The following CELF2 variants were observed in gnomAD, a reference collection of about 807,000 sequenced individuals.
CELF2 encodes the protein CUGBP Elav-like family member 2.
Under a neutral mutation model 62.6 loss-of-function variants are expected in CELF2, and 8 were observed. That is an observed-to-expected ratio of 0.13 (90% confidence interval 0.07 to 0.23). CELF2 has a LOEUF of 0.23. CELF2 is among the 10% of genes least tolerant of loss of function. CELF2 has a pLI of 1.00. For missense variants in CELF2, 333 were observed against 671.0 expected, an observed-to-expected ratio of 0.50 and a Z score of 5.56; for synonymous variants, 258 against 250.0, an observed-to-expected ratio of 1.03 and a Z score of -0.30.
chr10:10,467,363 A>G, the CELF2 span, among the ~76,000 whole-genome samples: 2 of 151,880 alleles, frequency 1.3e-5, no homozygotes, highest in Non-Finnish European at 2.9e-5. Flanking sequence ...CCACTTAATT[A>G]CCTTAGTTTA....
intron 1 of CELF2, among the ~76,000 whole-genome samples, chr10:10,888,567 C>T (rs1054868201): frequency 1.3e-5 from 2 of 152,156 alleles, no homozygotes; most frequent in Admixed American, 1.3e-4. Context: ...AAAACCAAGA[C>T]ATTCCTTGTC....
intron 1 of CELF2, among the ~76,000 whole-genome samples, chr10:11,080,838 A>G (rs1022139598): frequency 4.6e-5 from 7 of 152,226 alleles, no homozygotes; most frequent in South Asian, 2.1e-4. Flanking sequence ...AGAAAATTAT[A>G]TGAACCACAA....
intron 2 of CELF2, among the ~76,000 whole-genome samples, chr10:10,926,825 G>C (rs1411841140): frequency 6.6e-6 from 1 of 152,206 alleles, no homozygotes; most frequent in African/African-American, 2.4e-5. Context: ...ATCCATGCCA[G>C]GTAGGTGCTT....
intron 1 of CELF2, among the ~76,000 whole-genome samples, chr10:11,044,384 T>A (rs1191823934): frequency 6.6e-6 from 1 of 152,226 alleles, no homozygotes; most frequent in Non-Finnish European, 1.5e-5. Flanking sequence ...GTTATTTTAT[T>A]CTCCCTTTTG....
chr10:10,514,342 C>T, the CELF2 span, among the ~76,000 whole-genome samples: 1 of 152,064 alleles, frequency 6.6e-6, no homozygotes, highest in Non-Finnish European at 1.5e-5. Flanking sequence ...TGTAACTGAC[C>T]TACTGGTGAA....
At chr10:10,765,527 G>C in the CELF2 span, among the ~76,000 whole-genome samples, 1 of 152,148 alleles carries the variant, frequency 6.6e-6, no homozygotes, top group Non-Finnish European at 1.5e-5. Flanking sequence ...CCACAATTGG[G>C]CTTTATTGCT....
intron 2 of CELF2, among the ~76,000 whole-genome samples, chr10:10,949,826 CAAAAAAA>C (rs35952853): frequency 3.6e-5 from 3 of 82,236 alleles, no homozygotes; most frequent in South Asian, 4.2e-4. Context: ...ACACACACAC[CAAAAAAA>C]AAAAAAAAAA....
chr10:11,148,843 AACACACACACACAC>A (rs58567770), intron 1 of CELF2, among the ~76,000 whole-genome samples: 11 of 146,904 alleles, frequency 7.5e-5, no homozygotes, highest in Non-Finnish European at 1.4e-4. Context: ...TCTTAAACCA[AACACACACACACAC>A]ACACACACAC....
the CELF2 span, among the ~76,000 whole-genome samples, chr10:10,608,518 T>C: frequency 6.6e-6 from 1 of 152,236 alleles, no homozygotes. Context: ...CTTGGATAGC[T>C]CTGGGAGCCA....
upstream of CELF2, chr10:11,005,294 G>T (rs530110858): frequency 1.5e-4 from 231 of 1,570,288 alleles, no homozygotes; most frequent in Middle Eastern, 3.4e-4. This position sits in a 1 kb window ranked among gnomAD's most constrained non-coding sequence, Gnocchi z 4.3. Context: ...GAGAGAGAGA[G>T]GGAGGAGAGG....
At chr10:10,465,326 C>G in the CELF2 span, among the ~76,000 whole-genome samples, 3 of 152,102 alleles carry the variant, frequency 2.0e-5, no homozygotes, top group African/African-American at 7.2e-5. Flanking sequence ...AGAAATGCAG[C>G]AGGTAGACTA....
chr10:11,189,420 G>A (rs1588652820), intron 2 of CELF2, among the ~76,000 whole-genome samples: 2 of 152,112 alleles, frequency 1.3e-5, no homozygotes, highest in East Asian at 3.8e-4. Context: ...CTTTTAATTG[G>A]AGTGTTTAGA....
chr10:10,601,671 C>T, the CELF2 span, among the ~76,000 whole-genome samples: 2 of 151,820 alleles, frequency 1.3e-5, no homozygotes, highest in Non-Finnish European at 2.9e-5. Flanking sequence ...ACAAACTTAG[C>T]TCCTATATTT....
chr10:11,277,915 A>G (rs1303199091), intron 8 of CELF2, among the ~76,000 whole-genome samples: 2 of 152,220 alleles, frequency 1.3e-5, no homozygotes, highest in Non-Finnish European at 2.9e-5. Context: ...TATATATAAA[A>G]TGATCTCTGC....
chr10:10,529,783 A>T, the CELF2 span, among the ~76,000 whole-genome samples: 1 of 152,108 alleles, frequency 6.6e-6, no homozygotes, highest in African/African-American at 2.4e-5. Flanking sequence ...ACCCTGCCTC[A>T]GTCAGAACAC....
the CELF2 span, among the ~76,000 whole-genome samples, chr10:10,582,968 A>G: frequency 0.063 from 9,522 of 152,272 alleles, 971 homozygotes; most frequent in African/African-American, 0.22. Context: ...GGACTTCTCA[A>G]TTTAAGAGGA....
At chr10:10,795,442 A>T (rs553197194), upstream of CELF2, among the ~76,000 whole-genome samples, 118 of 152,322 alleles carry the variant, frequency 7.7e-4, no homozygotes, top group Non-Finnish European at 1.5e-3. Flanking sequence ...ATTAAGGCTG[A>T]ACCTAACTCA....
the CELF2 span, among the ~76,000 whole-genome samples, chr10:10,710,804 CCCT>C: frequency 6.6e-6 from 1 of 151,944 alleles, no homozygotes; most frequent in Admixed American, 6.6e-5. Context: ...TAATTTAATA[CCCT>C]CCTCATTTTC....
the CELF2 span, among the ~76,000 whole-genome samples, chr10:10,666,586 G>GTTTAACCTTTAGCCTGTTTTCAGT: frequency 7.2e-6 from 1 of 138,314 alleles, no homozygotes; most frequent in Non-Finnish European, 1.6e-5. Context: ...AAAGAGGCCG[G>GTTTAACCTTTAGCCTGTTTTCAGT]GCGCGGTGGC....
Sources: allele counts gnomAD v4.1 joint callset (sites outside exome capture counted in the v4.1 genomes callset), GRCh38; gene constraint gnomAD v4.1.1; non-coding constraint Gnocchi (gnomAD v3.1); transcripts MANE v1.5; gene names NCBI Gene and HGNC (gene_info 2026-07-23, HGNC 2026-07-21).